PCDH15: variants seen among roughly 807,000 people sequenced by gnomAD.
The protein encoded by PCDH15 is protocadherin-15.
A neutral mutation model predicts 178.5 loss-of-function variants in PCDH15; 129 were observed. The ratio of observed to expected loss-of-function variants is 0.72; its 90% confidence interval spans 0.63 to 0.84. The LOEUF (loss-of-function observed/expected upper bound fraction) is 0.84, where lower values mean the gene tolerates loss of function less well. Among genes scored for constraint, PCDH15 ranks in the 40% least tolerant of loss-of-function variants. The probability of loss-of-function intolerance (pLI) is 0.00; values close to 1 mark genes in which losing one functional copy is unlikely to be tolerated. For missense variants in PCDH15, 2,230 were observed against 2,099.9 expected, an observed-to-expected ratio of 1.06 and a Z score of -1.21; for synonymous variants, 800 against 732.0, an observed-to-expected ratio of 1.09 and a Z score of -1.50.
At chr10:55,587,269 T>C (rs2132127160) in intron 2 of PCDH15, among the ~76,000 whole-genome samples, 1 of 152,264 alleles carries the variant, frequency 6.6e-6, no homozygotes, top group East Asian at 1.9e-4. Context: ...ATGGAGTTTG[T>C]ATGATTTGTC....
At chr10:54,985,178 G>T (rs999806182) in intron 2 of PCDH15, among the ~76,000 whole-genome samples, 40 of 152,138 alleles carry the variant, frequency 2.6e-4, no homozygotes, top group African/African-American at 9.2e-4. Flanking sequence ...TTTAACATTA[G>T]ATTTGCAATA....
At chr10:55,149,385 A>G (rs61441230) in intron 2 of PCDH15, among the ~76,000 whole-genome samples, 7,545 of 152,016 alleles carry the variant, frequency 0.05, 310 homozygotes, top group African/African-American at 0.11. Flanking sequence ...AAAACGTATA[A>G]CCTTTTAAAA....
At chr10:54,566,266 G>A (rs2089017248) in intron 2 of PCDH15, among the ~76,000 whole-genome samples, 1 of 152,076 alleles carries the variant, frequency 6.6e-6, no homozygotes, top group Admixed American at 6.6e-5. Context: ...CCCCACCCAT[G>A]CATAACTTGT....
intron 1 of PCDH15, among the ~76,000 whole-genome samples, chr10:54,771,316 A>C (rs1473331171): frequency 6.6e-6 from 1 of 151,868 alleles, no homozygotes; most frequent in Non-Finnish European, 1.5e-5. Flanking sequence ...TGTGTTGGAG[A>C]CTTTATAGAA....
intron 26 of PCDH15, among the ~76,000 whole-genome samples, chr10:53,881,991 T>C (rs1033977636): frequency 2.4e-4 from 4 of 16,630 alleles, no homozygotes; most frequent in African/African-American, 5.5e-4. Context: ...CCCACTTGCT[T>C]TTTTTTTTTT....
chr10:55,103,005 G>A (rs1028466411), intron 2 of PCDH15, among the ~76,000 whole-genome samples: 1 of 152,108 alleles, frequency 6.6e-6, no homozygotes, highest in South Asian at 2.1e-4. Flanking sequence ...TGCTGTCTCA[G>A]GTGTGGCAGA....
rs1377019305 is a variant in PCDH15, at chr10:55,561,478, G to T, written c.-156+66147C>A. 2.0e-5 allele frequency among the ~76,000 whole-genome samples: 3 copies of T among 151,850 alleles called. No homozygotes were observed. In the Admixed American group the frequency reaches 2.0e-4, roughly 10 times the overall value. ...TGATAGGACAATAAAAATTGTTTAT[G>T]AATGATAATAATATTTTTTCAGGTG... On this transcript the variant is annotated intron_variant, in intron 2 of 5. Transcript: ENST00000613346.
intron 2 of PCDH15, among the ~76,000 whole-genome samples, chr10:54,591,504 A>G (rs996304512): frequency 3.3e-5 from 5 of 152,180 alleles, no homozygotes; most frequent in African/African-American, 1.2e-4. Flanking sequence ...TACCTTGCCA[A>G]TTTAACCTGA....
chr10:55,269,452 C>T (rs2589462), intron 1 of PCDH15, among the ~76,000 whole-genome samples: 115,032 of 152,020 alleles, frequency 0.76, 43,808 homozygotes, highest in East Asian at 0.93. Flanking sequence ...ACAAAAGCAA[C>T]ATACAAAAAT....
intron 1 of PCDH15, among the ~76,000 whole-genome samples, chr10:54,670,011 A>G (rs961303183): frequency 2.1e-4 from 32 of 152,132 alleles, no homozygotes; most frequent in African/African-American, 7.7e-4. Context: ...TTGAGATTGC[A>G]CCACTGCACT....
At chr10:53,821,832 G>T (rs762198706) in intron 32 of PCDH15, 7 of 1,610,594 alleles carry the variant, frequency 4.3e-6, no homozygotes, top group Non-Finnish European at 5.1e-6. Context: ...CAAGAGGTTT[G>T]CCCGACTAAA....
chr10:54,032,668 A>G (rs1363082638), intron 18 of PCDH15, among the ~76,000 whole-genome samples: 2 of 152,090 alleles, frequency 1.3e-5, no homozygotes, highest in Non-Finnish European at 2.9e-5. Flanking sequence ...AAGTGATCAC[A>G]TAACTACTTA....
chr10:55,288,490 T>C (rs1842929917), intron 1 of PCDH15, among the ~76,000 whole-genome samples: 1 of 151,912 alleles, frequency 6.6e-6, no homozygotes, highest in Non-Finnish European at 1.5e-5. Flanking sequence ...CTTATTCATC[T>C]TGCCTAACAG....
At chr10:54,830,799 A>T (rs1027245943) in intron 3 of PCDH15, among the ~76,000 whole-genome samples, 6 of 152,014 alleles carry the variant, frequency 3.9e-5, no homozygotes, top group African/African-American at 1.4e-4. Context: ...AAATGTTAAA[A>T]GCAAACAGCA....
At position 53,828,517 on chromosome 10, in the gene PCDH15, C is replaced by G; in HGVS notation, c.4211+48G>C. 2.0e-6 allele frequency: 3 copies of G among 1,479,666 alleles called. No homozygotes were observed. In the South Asian group the frequency reaches 3.4e-5, roughly 17 times the overall value. 91.7% of individuals were successfully genotyped at this position (1,479,666 alleles called of 1,614,324 possible). A position where few individuals can be genotyped will look rare whatever the true frequency, so the allele number is the denominator to read the frequency against. On this transcript the variant is annotated intron_variant, in intron 31 of 37. Coordinates refer to ENST00000644397, the MANE Select transcript of PCDH15 (RefSeq NM_001384140.1). The stretch of plus-strand genomic sequence containing the variant: ...TTGATTGATATAATCTCGGGTTTCT[C>G]TTTTCCTATTACATGAAAAGGATGT...
intron 1 of PCDH15, among the ~76,000 whole-genome samples, chr10:54,675,967 T>C (rs1430397527): frequency 6.6e-6 from 1 of 152,210 alleles, no homozygotes; most frequent in Non-Finnish European, 1.5e-5. Context: ...ATATGAAATT[T>C]AGTTTTAACA....
intron 1 of PCDH15, 106 bp from the exon 2 acceptor site, chr10:54,664,396 T>C: frequency 4.1e-6 from 3 of 723,324 alleles, no homozygotes; most frequent in Non-Finnish European, 7.3e-6. Flanking sequence ...TCATAGTTAA[T>C]TACCTGTGCC....
intron 8 of PCDH15, among the ~76,000 whole-genome samples, chr10:54,240,654 C>G (rs1450958651): frequency 2.1e-5 from 2 of 96,194 alleles, no homozygotes; most frequent in South Asian, 3.5e-4. Context: ...TTTTTTGAGA[C>G]AGAGTATCGC....
chr10:54,792,313 G>A (rs1027050143), intron 1 of PCDH15, among the ~76,000 whole-genome samples: 1 of 151,932 alleles, frequency 6.6e-6, no homozygotes, highest in Non-Finnish European at 1.5e-5. Context: ...CAAGTAGGGA[G>A]CAGATTTTTC....
Sources: gnomAD v4.1 joint callset for allele counts (sites outside exome capture counted in the v4.1 genomes callset) on GRCh38, gnomAD v4.1.1 for gene constraint, MANE v1.5 for transcripts, NCBI Gene and HGNC (gene_info 2026-07-23, HGNC 2026-07-21) for gene names.